Variants in KALRN observed in about 807,000 individuals in gnomAD.
The protein encoded by KALRN is kalirin RhoGEF kinase.
A neutral mutation model predicts 353.7 loss-of-function variants in KALRN; 70 were observed. That is an observed-to-expected ratio of 0.20 (90% CI 0.16 to 0.24). KALRN has a LOEUF of 0.24. Ranked by LOEUF, KALRN falls within the 10% of genes least tolerant of loss-of-function variation. The pLI, the probability that KALRN is intolerant of heterozygous loss-of-function variation, is 1.00. For missense variants in KALRN, 2,791 were observed against 3,756.7 expected (o/e 0.74, Z 6.72); for synonymous variants, 1,391 against 1,434.8 (o/e 0.97, Z 0.69).
Position 124,307,309 on chromosome 3 carries a change from T to TA in KALRN, c.1092+8397dup, listed in dbSNP as rs200872128. Among the ~76,000 whole-genome samples the TA allele has an allele frequency of 8.7e-3, 1,317 of 152,082 alleles. 16 individuals carry two copies. The highest frequency in any genetic ancestry group is 0.03 in the African/African-American group (1,231 of 41,524). The stretch of plus-strand genomic sequence containing the variant: ...GATAACTTGAATCCACAGAAACAAA[T>TA]ACAGTGATTCAGAAATGATAAATAA... On this transcript the variant is annotated intron_variant, in intron 6 of 59. Transcript: ENST00000682506.
At chr3:124,107,538 A>G (rs1312936660) in intron 1 of KALRN, among the ~76,000 whole-genome samples, 1 of 152,138 alleles carries the variant, frequency 6.6e-6, no homozygotes, top group Non-Finnish European at 1.5e-5. Flanking sequence ...CTTCTTTTCT[A>G]GGCCTTGTCC....
At chr3:124,611,592 G>A (rs2077977991) in intron 34 of KALRN, among the ~76,000 whole-genome samples, 1 of 152,238 alleles carries the variant, frequency 6.6e-6, no homozygotes, top group African/African-American at 2.4e-5. Flanking sequence ...ATAACATAGA[G>A]TGGTCAGAAA....
chr3:124,657,244 A>C (rs1040670965), intron 39 of KALRN, among the ~76,000 whole-genome samples: 3 of 152,188 alleles, frequency 2.0e-5, no homozygotes, highest in Non-Finnish European at 4.4e-5. Flanking sequence ...GAGACAAAGA[A>C]GGGGATCCTG....
intron 13 of KALRN, among the ~76,000 whole-genome samples, chr3:124,412,643 A>G (rs1426947651): frequency 1.3e-5 from 2 of 152,218 alleles, no homozygotes; most frequent in Non-Finnish European, 2.9e-5. Context: ...ATGTGAGTTA[A>G]GGTGTAGAGA....
At chr3:124,068,431 A>T (rs192784607) in intron 1 of KALRN, among the ~76,000 whole-genome samples, 1 of 152,374 alleles carries the variant, frequency 6.6e-6, no homozygotes, top group East Asian at 1.9e-4. Flanking sequence ...CACCAATGAC[A>T]GTCCCACATC....
At chr3:124,658,986 T>G (rs1216317751) in intron 42 of KALRN, among the ~76,000 whole-genome samples, 1 of 152,146 alleles carries the variant, frequency 6.6e-6, no homozygotes, top group Non-Finnish European at 1.5e-5. Flanking sequence ...CAGCTGAGTG[T>G]TTGGAGATCT....
chr3:124,517,720 G>A (rs889302984), intron 33 of KALRN, among the ~76,000 whole-genome samples: 6 of 152,284 alleles, frequency 3.9e-5, no homozygotes, highest in Admixed American at 1.3e-4. Context: ...CAGCCTTGCA[G>A]TCTACCCAAA....
At chr3:124,553,324 C>T (rs2713651) in intron 33 of KALRN, among the ~76,000 whole-genome samples, 27,185 of 152,092 alleles carry the variant, frequency 0.18, 3,110 homozygotes, top group African/African-American at 0.3. Context: ...CAGATAGTAG[C>T]GATTGAGACA....
intron 1 of KALRN, among the ~76,000 whole-genome samples, chr3:124,112,458 CT>C (rs1227251528): frequency 6.6e-6 from 1 of 152,200 alleles, no homozygotes; most frequent in East Asian, 1.9e-4. Context: ...CAAAGATGAT[CT>C]TTTCCAAGTT....
At chr3:124,677,005 GATAA>G (rs746961866) in intron 49 of KALRN, among the ~76,000 whole-genome samples, 18 of 152,286 alleles carry the variant, frequency 1.2e-4, no homozygotes, top group Non-Finnish European at 2.4e-4. Flanking sequence ...TGTGTTAGCG[GATAA>G]ATATTTTTGG....
chr3:124,164,678 A>G (rs1285356174), intron 1 of KALRN: 2 of 152,210 alleles, frequency 1.3e-5, no homozygotes, highest in Non-Finnish European at 1.5e-5. Flanking sequence ...ATATTTGCTA[A>G]AAACTGTATT....
intron 13 of KALRN, among the ~76,000 whole-genome samples, chr3:124,402,583 A>G (rs1157592006): frequency 6.6e-6 from 1 of 152,218 alleles, no homozygotes; most frequent in Non-Finnish European, 1.5e-5. Flanking sequence ...GAAAGAAATG[A>G]AAAATATTTT....
chr3:124,670,321 A>G (rs922301366), intron 47 of KALRN, among the ~76,000 whole-genome samples: 1 of 152,100 alleles, frequency 6.6e-6, no homozygotes, highest in African/African-American at 2.4e-5. Context: ...GGTTGAATCC[A>G]TGGTTGTGGA....
chr3:124,594,069 G>GCATAATCCTAAC (rs2076051938), intron 34 of KALRN, among the ~76,000 whole-genome samples: 1 of 152,156 alleles, frequency 6.6e-6, no homozygotes, highest in African/African-American at 2.4e-5. Flanking sequence ...GACCAAAATA[G>GCATAATCCTAAC]CATAATCCTA....
intron 6 of KALRN, among the ~76,000 whole-genome samples, chr3:124,314,382 G>A (rs2078601048): frequency 6.6e-6 from 1 of 151,202 alleles, no homozygotes; most frequent in African/African-American, 2.4e-5. Flanking sequence ...GATAGCATTA[G>A]GAGATATACC....
chr3:124,323,748 G>C (rs1391953821), intron 6 of KALRN, among the ~76,000 whole-genome samples: 1 of 152,164 alleles, frequency 6.6e-6, no homozygotes, highest in East Asian at 1.9e-4. Context: ...TCCAGGACAG[G>C]AAAACCCAAA....
At chr3:124,554,479 T>C (rs560726080) in intron 33 of KALRN, among the ~76,000 whole-genome samples, 3 of 152,346 alleles carry the variant, frequency 2.0e-5, no homozygotes, top group Non-Finnish European at 1.5e-5. Context: ...ATTTCAGCCA[T>C]AACATTTTTA....
At chr3:124,087,943 G>T (rs2060909711) in intron 1 of KALRN, among the ~76,000 whole-genome samples, 2 of 152,172 alleles carry the variant, frequency 1.3e-5, no homozygotes, top group South Asian at 4.1e-4. Context: ...GTAAAATGTT[G>T]TCCTTCTACT....
chr3:124,536,405 T>C (rs1371789167), intron 33 of KALRN, among the ~76,000 whole-genome samples: 2 of 152,050 alleles, frequency 1.3e-5, no homozygotes, highest in African/African-American at 4.8e-5. Flanking sequence ...TTTTGCCATG[T>C]TGGCCAGGCT....
Sources: gnomAD v4.1 joint callset for allele counts (sites outside exome capture counted in the v4.1 genomes callset) on GRCh38, gnomAD v4.1.1 for gene constraint, MANE v1.5 for transcripts, NCBI Gene and HGNC (gene_info 2026-07-23, HGNC 2026-07-21) for gene names.